Variants in ST3GAL2 observed in about 807,000 individuals in gnomAD.
The protein encoded by ST3GAL2 is CMP-N-acetylneuraminate-beta-galactosamide-alpha-2,3-sialyltransferase 2.
ST3GAL2 carries 16 observed loss-of-function variants against 37.5 expected under a neutral mutation model. The observed-to-expected ratio is 0.43, with a 90% CI of 0.29 to 0.65. ST3GAL2 has a LOEUF of 0.65. Among genes scored for constraint, ST3GAL2 ranks in the 30% least tolerant of loss-of-function variants. ST3GAL2 has a pLI of 0.17. For missense variants in ST3GAL2, 383 were observed against 487.8 expected (o/e 0.79, Z 2.02); for synonymous variants, 238 against 202.9 (o/e 1.17, Z -1.47).
intron 1 of ST3GAL2, among the ~76,000 whole-genome samples, chr16:70,420,959 C>CAG (rs2047710471): frequency 6.6e-6 from 1 of 152,330 alleles, no homozygotes; most frequent in Admixed American, 6.5e-5. Flanking sequence ...CAACAGGGAC[C>CAG]CTGGAAGTTC....
chr16:70,437,841 G>A (rs1456045513), intron 1 of ST3GAL2, among the ~76,000 whole-genome samples: 2 of 152,162 alleles, frequency 1.3e-5, no homozygotes, highest in East Asian at 3.9e-4. Flanking sequence ...GCAAGGAAGG[G>A]GTGGCCAACC....
intron 4 of ST3GAL2, among the ~76,000 whole-genome samples, chr16:70,385,163 G>C (rs992656736): frequency 6.6e-6 from 1 of 151,890 alleles, no homozygotes; most frequent in East Asian, 1.9e-4. Flanking sequence ...AAATCAGCTG[G>C]GCGTGGTGGT....
chr16:70,405,404 G>C (rs1453668557), intron 1 of ST3GAL2, among the ~76,000 whole-genome samples: 1 of 151,890 alleles, frequency 6.6e-6, no homozygotes, highest in East Asian at 1.9e-4. Context: ...AGCCGGGCAT[G>C]GTGGCGGGAG....
chr16:70,415,827 G>A (rs1239871185), intron 1 of ST3GAL2, among the ~76,000 whole-genome samples: 3 of 140,178 alleles, frequency 2.1e-5, no homozygotes, highest in Admixed American at 7.4e-5. Context: ...GAGTGCAGTG[G>A]CACAATCTTG....
At chr16:70,418,857 C>T (rs772680755) in intron 1 of ST3GAL2, among the ~76,000 whole-genome samples, 37 of 152,152 alleles carry the variant, frequency 2.4e-4, no homozygotes, top group African/African-American at 7.2e-4. Flanking sequence ...CCCCCACCCA[C>T]GCACCTGGGG....
At chr16:70,414,596 A>G (rs1394717148) in intron 1 of ST3GAL2, among the ~76,000 whole-genome samples, 3 of 152,224 alleles carry the variant, frequency 2.0e-5, no homozygotes, top group Non-Finnish European at 4.4e-5. Context: ...AATCGGAACA[A>G]TTGATTCAGG....
At position 70,381,379 on chromosome 16, in the gene ST3GAL2, A is replaced by C. The variant is rs2047402475; in HGVS notation, c.*310T>G. On this transcript the variant is annotated 3_prime_UTR_variant, in exon 7 of 7. Transcript: ENST00000342907. The stretch of plus-strand genomic sequence containing the variant: ...TCAGAAAGCGTGAAAGAAAACCCTA[A>C]CCCAAAGCATGAGGGAGTGGGGATT... The C allele has an allele frequency of 6.2e-6, 2 of 320,608 alleles. No homozygotes were observed. Among genetic ancestry groups the C allele is most frequent in the Admixed American group, 4.6e-5 (1 of 21,760 alleles). The allele number at this position is 320,608 out of a possible 1,614,324, so 19.9% of individuals were successfully genotyped here. A position where few individuals can be genotyped will look rare whatever the true frequency, so the allele number is the denominator to read the frequency against.
At chr16:70,415,383 G>C (rs544308811) in intron 1 of ST3GAL2, among the ~76,000 whole-genome samples, 1 of 152,288 alleles carries the variant, frequency 6.6e-6, no homozygotes, top group East Asian at 1.9e-4. Context: ...CCCTCCGGGC[G>C]GCACGGGGAA....
At chr16:70,397,401 C>A (rs1228251124) in intron 2 of ST3GAL2, among the ~76,000 whole-genome samples, 1 of 151,748 alleles carries the variant, frequency 6.6e-6, no homozygotes, top group African/African-American at 2.4e-5. Flanking sequence ...TGTAAAGAAC[C>A]AAGAAAGGGG....
chr16:70,418,482 G>T (rs975093722), intron 1 of ST3GAL2, among the ~76,000 whole-genome samples: 1 of 152,194 alleles, frequency 6.6e-6, no homozygotes, highest in African/African-American at 2.4e-5. Flanking sequence ...GGCGGAGCTG[G>T]TGACAGGAAT....
chr16:70,419,057 T>C (rs1027449555), intron 1 of ST3GAL2, among the ~76,000 whole-genome samples: 1 of 152,156 alleles, frequency 6.6e-6, no homozygotes, highest in African/African-American at 2.4e-5. Flanking sequence ...CTCCCAACTC[T>C]TGGATGTCAA....
At chr16:70,429,403 C>CT (rs2047772892) in intron 1 of ST3GAL2, among the ~76,000 whole-genome samples, 1 of 151,972 alleles carries the variant, frequency 6.6e-6, no homozygotes, top group Admixed American at 6.6e-5. Flanking sequence ...ACCATCCTGG[C>CT]TAACACGGTG....
intron 1 of ST3GAL2, among the ~76,000 whole-genome samples, chr16:70,424,389 G>A (rs945530202): frequency 4.5e-4 from 67 of 150,422 alleles, no homozygotes; most frequent in African/African-American, 1.5e-3. Context: ...ATCACCTGAG[G>A]TTGGGAGTTC....
intron 1 of ST3GAL2, among the ~76,000 whole-genome samples, chr16:70,437,883 G>A (rs1025961155): frequency 1.3e-5 from 2 of 152,168 alleles, no homozygotes; most frequent in Non-Finnish European, 2.9e-5. Context: ...AAGACGAGGC[G>A]GGAGTGTGTT....
chr16:70,435,830 A>AAAATT (rs2047821334), intron 1 of ST3GAL2, among the ~76,000 whole-genome samples: 1 of 151,100 alleles, frequency 6.6e-6, no homozygotes, highest in Admixed American at 6.6e-5. Context: ...AAAATAAAAT[A>AAAATT]AAAAAGACTA....
At chr16:70,428,311 C>T (rs1418690737) in intron 1 of ST3GAL2, among the ~76,000 whole-genome samples, 1 of 152,208 alleles carries the variant, frequency 6.6e-6, no homozygotes, top group African/African-American at 2.4e-5. Context: ...GGTGACAGAG[C>T]GGCAGCAGCA....
chr16:70,385,220 G>A (rs1200967916), intron 4 of ST3GAL2, among the ~76,000 whole-genome samples: 2 of 152,012 alleles, frequency 1.3e-5, no homozygotes, highest in Admixed American at 6.6e-5. Flanking sequence ...CAGGAGAATC[G>A]CTTGAACCCA....
chr16:70,391,201 T>C (rs2047479996), intron 3 of ST3GAL2, among the ~76,000 whole-genome samples: 1 of 152,174 alleles, frequency 6.6e-6, no homozygotes, highest in East Asian at 1.9e-4. Context: ...CTGTGCCCCC[T>C]ACCTCTCATT....
intron 4 of ST3GAL2, among the ~76,000 whole-genome samples, chr16:70,383,799 T>C (rs1413352834): frequency 6.6e-6 from 1 of 151,714 alleles, no homozygotes; most frequent in South Asian, 2.1e-4. Context: ...TTGTTCATCA[T>C]TGCCATGCCT....
Sources: gnomAD v4.1 joint callset for allele counts (sites outside exome capture counted in the v4.1 genomes callset) on GRCh38, gnomAD v4.1.1 for gene constraint, MANE v1.5 for transcripts, NCBI Gene and HGNC (gene_info 2026-07-23, HGNC 2026-07-21) for gene names.